The following NT5C2 variants were observed in gnomAD, a reference collection of about 807,000 sequenced individuals.
NT5C2 encodes cytosolic purine 5'-nucleotidase.
NT5C2 carries 58 observed loss-of-function variants against 76.1 expected under a neutral mutation model. The ratio of observed to expected loss-of-function variants is 0.76; its 90% CI spans 0.62 to 0.95. The LOEUF (loss-of-function observed/expected upper bound fraction) is 0.95. Ranked by LOEUF, NT5C2 falls within the 40% of genes least tolerant of loss-of-function variation. The pLI is 0.00. For missense variants in NT5C2, 478 were observed against 690.3 expected (o/e 0.69, Z 3.45); for synonymous variants, 229 against 237.4 (o/e 0.96, Z 0.32).
At chr10:103,173,611 CAAA>C (rs1323084034) in intron 3 of NT5C2, among the ~76,000 whole-genome samples, 2 of 43,180 alleles carry the variant, frequency 4.6e-5, no homozygotes, top group African/African-American at 9.0e-5. Context: ...GACGCCGTCT[CAAA>C]AAAAAAAAAA....
intron 4 of NT5C2, among the ~76,000 whole-genome samples, chr10:103,131,983 G>A (rs199873056): frequency 6.6e-6 from 1 of 152,066 alleles, no homozygotes; most frequent in Non-Finnish European, 1.5e-5. Flanking sequence ...GCTCATGCCT[G>A]TAATCCCAGC....
Position 103,090,908 on chromosome 10 carries a change from A to C in NT5C2, c.1272+28T>G. ...AAAAAGCATTTAAACTTATTTCCCA[A>C]GTTTTCTCCCAAATCCCATTTGGAT... On this transcript the variant is annotated intron_variant, in intron 17 of 18. Transcript: ENST00000404739. 3 of 1,610,872 alleles carry C rather than the reference A, an allele frequency of 1.9e-6. 1 individual carries two copies. In the East Asian group the frequency reaches 6.7e-5, roughly 36 times the overall value.
intron 6 of NT5C2, among the ~76,000 whole-genome samples, chr10:103,105,205 CTTATGTTTACATTTTTT>C (rs770967808): frequency 5.3e-5 from 8 of 151,780 alleles, no homozygotes; most frequent in Non-Finnish European, 1.0e-4. Context: ...TCACTTTAAC[CTTATGTTTACATTTTTT>C]TAATGACACA....
At chr10:103,165,945 C>G (rs2086263725) in intron 3 of NT5C2, among the ~76,000 whole-genome samples, 1 of 152,248 alleles carries the variant, frequency 6.6e-6, no homozygotes, top group Admixed American at 6.5e-5. Flanking sequence ...GCTGGGATTA[C>G]AGGCGTGAGC....
chr10:103,156,889 C>T (rs2083525465), intron 3 of NT5C2, among the ~76,000 whole-genome samples: 1 of 151,614 alleles, frequency 6.6e-6, no homozygotes, highest in Non-Finnish European at 1.5e-5. Flanking sequence ...AATCCCATCT[C>T]TACTAAAAAT....
chr10:103,130,592 AAAAAAG>A (rs2136058145), intron 4 of NT5C2, among the ~76,000 whole-genome samples: 3 of 149,482 alleles, frequency 2.0e-5, no homozygotes, highest in African/African-American at 7.5e-5. Flanking sequence ...TTAAAAAAAA[AAAAAAG>A]AAAAATTAGA....
At chr10:103,149,482 A>G (rs1158909639) in intron 3 of NT5C2, among the ~76,000 whole-genome samples, 2 of 152,208 alleles carry the variant, frequency 1.3e-5, no homozygotes, top group Admixed American at 1.3e-4. Flanking sequence ...AGAAAAATAC[A>G]CAAGTTACGG....
chr10:103,164,737 C>A (rs1487756774), intron 3 of NT5C2, among the ~76,000 whole-genome samples: 1 of 152,168 alleles, frequency 6.6e-6, no homozygotes, highest in African/African-American at 2.4e-5. Flanking sequence ...AGAAGCCATA[C>A]CCTTTAAGGT....
In NT5C2 at chr10:103,139,434, A is replaced by G. The variant is rs1161630918; in HGVS notation, c.147T>C (p.Phe49=). The change falls in exon 4 of 19, where the codon TTT becomes TTC. Residue 49 remains phenylalanine (F), a synonymous_variant. Transcript: ENST00000404739. The part of the protein sequence containing the change: ...RSLAMEKIKC[F]GFDMDYTLAV... ...CAAGGGTATAATCCATATCAAAACC[A>G]AAACACTTTATCTTTTCCATTGCTA... The G allele has an allele frequency of 3.8e-6, 6 of 1,583,432 alleles. No homozygotes were observed. The South Asian group carries it at 4.6e-5, about 12-fold the overall frequency.
intron 1 of NT5C2, among the ~76,000 whole-genome samples, chr10:103,186,614 T>TA (rs1176279224): frequency 4.6e-5 from 7 of 152,252 alleles, no homozygotes; most frequent in African/African-American, 1.2e-4. Context: ...ATTCAAGGCT[T>TA]AAAAAAATGG....
intron 1 of NT5C2, among the ~76,000 whole-genome samples, chr10:103,191,868 G>C (rs549555005): frequency 2.3e-3 from 348 of 152,200 alleles, no homozygotes; most frequent in African/African-American, 7.4e-3. Flanking sequence ...TCAGAAATAA[G>C]TCTGTGTATG....
In NT5C2 at chr10:103,127,703, A is replaced by C. The variant is rs115921979; in HGVS notation, c.175+11703T>G. ...CAGTACCCAGTAACACCTTTAGCAA[A>C]ATCCGTATCATTAACTTTTGAAAAA... On this transcript the variant is annotated intron_variant, in intron 4 of 18. Transcript: ENST00000404739. 1.0e-3 allele frequency among the ~76,000 whole-genome samples: 157 copies of C among 152,298 alleles called. 1 individual carries two copies. Among genetic ancestry groups the C allele is most frequent in the African/African-American group, 3.6e-3 (148 of 41,552 alleles).
chr10:103,120,945 A>T (rs2075533786), intron 4 of NT5C2, among the ~76,000 whole-genome samples: 1 of 152,262 alleles, frequency 6.6e-6, no homozygotes, highest in African/African-American at 2.4e-5. Flanking sequence ...TACCTACAGT[A>T]GAATATTATT....
intron 1 of NT5C2, among the ~76,000 whole-genome samples, chr10:103,191,803 T>C (rs546036422): frequency 1.3e-5 from 2 of 151,474 alleles, no homozygotes; most frequent in South Asian, 2.1e-4. Context: ...ATGAGAGTAA[T>C]GCAGCTACCT....
chr10:103,105,469 TTTG>T (rs1355898019), intron 6 of NT5C2: 10 of 571,300 alleles, frequency 1.8e-5, no homozygotes, highest in African/African-American at 1.1e-4. Context: ...TAAGATTAGT[TTTG>T]TTGTATGCTG....
At chr10:103,128,026 G>C (rs943935010) in intron 4 of NT5C2, among the ~76,000 whole-genome samples, 1 of 138,650 alleles carries the variant, frequency 7.2e-6, no homozygotes, top group African/African-American at 2.7e-5. Context: ...AACAAAAACT[G>C]TATTTAAAAT....
intron 6 of NT5C2, 63 bp from the exon 7 acceptor site, chr10:103,101,389 C>T: frequency 2.1e-6 from 2 of 945,152 alleles, no homozygotes; most frequent in Non-Finnish European, 3.2e-6. Flanking sequence ...TGGGAAATAG[C>T]ATTATTCAAA....
At position 103,094,691 on chromosome 10, in the gene NT5C2, G is replaced by A. The variant is rs533286257; in HGVS notation, c.814-236C>T. ...AAGGTCCGGAAATCAAGACCATCCT[G>A]GCCAACATGGTGAAAACCTGTCTCT... On this transcript the variant is annotated intron_variant, in intron 12 of 18. Coordinates refer to ENST00000404739, the MANE Select transcript of NT5C2 (RefSeq NM_001351169.2). Among the ~76,000 whole-genome samples, 12 of 152,230 alleles carry A rather than the reference G, an allele frequency of 7.9e-5. No homozygotes were observed. The East Asian group carries it at 2.1e-3, about 27-fold the overall frequency.
intron 3 of NT5C2, among the ~76,000 whole-genome samples, chr10:103,171,557 C>T (rs1362068871): frequency 2.0e-5 from 3 of 152,154 alleles, no homozygotes; most frequent in African/African-American, 4.8e-5. Flanking sequence ...TACTTACTGC[C>T]GGCTTTCCTG....
Sources: gnomAD v4.1 joint callset for allele counts (sites outside exome capture counted in the v4.1 genomes callset) on GRCh38, gnomAD v4.1.1 for gene constraint, MANE v1.5 for transcripts, NCBI Gene and HGNC (gene_info 2026-07-23, HGNC 2026-07-21) for gene names.